YTHDC1: variants seen among roughly 807,000 people sequenced by gnomAD.
The protein encoded by YTHDC1 is YTH N6-methyladenosine RNA binding protein C1, also known as YTH domain-containing protein 1.
In YTHDC1, 12 loss-of-function variants were observed where a neutral mutation model predicts 107.0. That is an observed-to-expected ratio of 0.11 (90% CI 0.07 to 0.18). The LOEUF (loss-of-function observed/expected upper bound fraction) is 0.18, where lower values mean the gene tolerates loss of function less well. YTHDC1 is among the 10% of genes least tolerant of loss of function. The pLI, the probability that YTHDC1 is intolerant of heterozygous loss-of-function variation, is 1.00. For missense variants in YTHDC1, 635 were observed against 898.8 expected (o/e 0.71, Z 3.75); for synonymous variants, 280 against 289.5 (o/e 0.97, Z 0.33).
chr4:68,337,346 A>G lies in YTHDC1; in HGVS notation c.564T>C (p.Ser188=). The G allele has an allele frequency of 6.2e-7, 1 of 1,613,942 alleles. No homozygotes were observed. The change falls in exon 4 of 17, where the codon AGT becomes AGC. Residue 188 remains serine (S), a synonymous_variant. Transcript: ENST00000344157. ...EYGSDHETGS[S]GSSDEQGNNT... ...TGTTCCCTTGCTCATCAGAAGAACCACTGCTGCCAGTCTCATGGTCAGAGC... is the reference window on the plus strand; with the variant it reads ...TGTTCCCTTGCTCATCAGAAGAACCGCTGCTGCCAGTCTCATGGTCAGAGC...
At position 68,349,805 on chromosome 4, in the gene YTHDC1, C is replaced by A. The variant is rs749237203; in HGVS notation, c.-52G>T. 7 of 1,610,420 alleles carry A rather than the reference C, an allele frequency of 4.3e-6. No individual in the cohort carries two copies. The highest frequency in any genetic ancestry group is 1.7e-5 in the Admixed American group (1 of 59,850). ...CACCGCCGCCGCCGCTTAGACGCGA[C>A]TCGCGCGGGCGCCGCAGCCGCGGCA... On this transcript the variant is annotated 5_prime_UTR_variant, in exon 1 of 17. Transcript: ENST00000344157.
rs868559889 is a variant in YTHDC1 at position 68,316,411 on chromosome 4, G to A, written c.1862C>T (p.Pro621Leu). 6.2e-7 allele frequency: 1 copy of A among 1,614,028 alleles called. No homozygotes were observed. Among genetic ancestry groups the A allele is most frequent in the Non-Finnish European group, 8.5e-7 (1 of 1,179,976 alleles). Residue 621 changes from proline (P) to leucine (L), a missense_variant, in exon 16 of 17, where the codon CCT (proline) becomes CTT (leucine). Physicochemically the swap from Pro to Leu is moderately conservative, Grantham distance 98. This residue lies in a region of YTHDC1 where 256 missense variants were observed against 372.9 expected (regional missense o/e 0.69). Coordinates refer to ENST00000344157, the MANE Select transcript of YTHDC1 (RefSeq NM_001031732.4). ...YPGMEQPPHH[P>L]YYQHHAPPPQ... ...AGGTGGAGCATGGTGCTGATAGTAA[G>A]GATGGTGTGGAGGTTGTTCCATTCC...
chr4:68,340,654 C>A (rs1222835417), intron 1 of YTHDC1, among the ~76,000 whole-genome samples: 3 of 151,986 alleles, frequency 2.0e-5, no homozygotes, highest in Admixed American at 6.6e-5. Flanking sequence ...GTAGATCCAA[C>A]AGGTCTTCAC....
chr4:68,317,026 T>C (rs532916704), intron 15 of YTHDC1, among the ~76,000 whole-genome samples: 9 of 152,038 alleles, frequency 5.9e-5, no homozygotes, highest in Non-Finnish European at 8.8e-5. Context: ...AAGCCAGGAG[T>C]TGGAGACCAG....
At chr4:68,325,160 A>C (rs908504191) in intron 9 of YTHDC1, among the ~76,000 whole-genome samples, 7 of 152,240 alleles carry the variant, frequency 4.6e-5, no homozygotes, top group African/African-American at 1.4e-4. Context: ...ACATACAAAG[A>C]CGAGAAAGAT....
At chr4:68,330,903 A>G (rs768551603) in intron 7 of YTHDC1, among the ~76,000 whole-genome samples, 10 of 152,160 alleles carry the variant, frequency 6.6e-5, no homozygotes, top group Non-Finnish European at 1.5e-4. Flanking sequence ...AGATAAAAAG[A>G]AATGGAATAA....
At chr4:68,330,958 A>G (rs941933221) in intron 7 of YTHDC1, among the ~76,000 whole-genome samples, 11 of 152,104 alleles carry the variant, frequency 7.2e-5, no homozygotes, top group Non-Finnish European at 1.0e-4. Context: ...GCTCATACAA[A>G]TGACATCTCA....
intron 6 of YTHDC1, 58 bp from the exon 7 acceptor site, chr4:68,332,255 C>G: frequency 1.8e-6 from 2 of 1,142,724 alleles, no homozygotes. Context: ...ACAAAGGGGT[C>G]AAAACTGTAC....
chr4:68,332,683 G>T, intron 6 of YTHDC1, 111 bp downstream of exon 6: 1 of 918,434 alleles, frequency 1.1e-6, no homozygotes, highest in Non-Finnish European at 1.6e-6. Flanking sequence ...TTTGCTTCAT[G>T]TAATATATCG....
chr4:68,314,259 C>T lies in YTHDC1; in HGVS notation c.2024G>A (p.Arg675Lys). Residue 675 changes from arginine (R) to lysine (K), a missense_variant, in exon 17 of 17, where the codon AGA becomes AAA. Physicochemically the swap from Arg to Lys is conservative, Grantham distance 26. This residue lies in a region of YTHDC1 where 256 missense variants were observed against 372.9 expected (regional missense o/e 0.69). Coordinates refer to ENST00000344157, the MANE Select transcript of YTHDC1 (RefSeq NM_001031732.4). Reference protein sequence around the residue: ...RRTQAVVSGRRSRPRERDRER... With the variant: ...RRTQAVVSGRKSRPRERDRER... ...CCGGTCTCTTTCACGGGGTCTACTT[C>T]TCCGGCCACTGACAACAGCTTGTGT... is the stretch of plus-strand genomic sequence containing the variant. The T allele has an allele frequency of 6.2e-7, 1 of 1,614,060 alleles. No individual in the cohort carries two copies. Among genetic ancestry groups the T allele is most frequent in the Non-Finnish European group, 8.5e-7 (1 of 1,180,016 alleles).
chr4:68,330,678 T>TA lies in YTHDC1; in HGVS notation c.1123-369dup, dbSNP rs1447674785. Among the ~76,000 whole-genome samples, 3 of 152,172 alleles carry TA rather than the reference T, an allele frequency of 2.0e-5. No homozygotes were observed. The South Asian group carries it at 6.2e-4, about 31-fold the overall frequency. ...TGAAGGTGAATCGCCACTTAGAAGTTAGTCTTCTTGCAAAACCGTACCTGA... is the reference window on the plus strand; with the variant it reads ...TGAAGGTGAATCGCCACTTAGAAGTTAAGTCTTCTTGCAAAACCGTACCTGA... On this transcript the variant is annotated intron_variant, in intron 7 of 16. Coordinates refer to ENST00000344157, the MANE Select transcript of YTHDC1 (RefSeq NM_001031732.4).
chr4:68,346,051 ATG>A (rs901034415), intron 1 of YTHDC1, among the ~76,000 whole-genome samples: 50 of 145,282 alleles, frequency 3.4e-4, no homozygotes, highest in African/African-American at 1.3e-3. Flanking sequence ...GACTGTGTGC[ATG>A]TGTGTGCACA....
chr4:68,337,951 T>C (rs1164362944), intron 2 of YTHDC1, 51 bp from the exon 3 acceptor site: 2 of 1,554,980 alleles, frequency 1.3e-6, no homozygotes, highest in Non-Finnish European at 1.7e-6. Context: ...TAGTATTCCA[T>C]TTATTTCACC....
At chr4:68,330,664 C>T (rs1161219600) in intron 7 of YTHDC1, among the ~76,000 whole-genome samples, 1 of 152,078 alleles carries the variant, frequency 6.6e-6, no homozygotes. Flanking sequence ...GAAGGTGAAT[C>T]GCCACTTAGA....
At chr4:68,344,645 G>A (rs1725220185) in intron 1 of YTHDC1, among the ~76,000 whole-genome samples, 1 of 152,202 alleles carries the variant, frequency 6.6e-6, no homozygotes, top group Admixed American at 6.5e-5. Context: ...AATCACGTGT[G>A]AATGTTTTGT....
intron 4 of YTHDC1, among the ~76,000 whole-genome samples, chr4:68,334,913 G>A (rs1026045278): frequency 3.3e-5 from 5 of 151,926 alleles, no homozygotes; most frequent in African/African-American, 9.7e-5. Flanking sequence ...GATAATGCAG[G>A]GAAAATAACA....
At position 68,349,792 on chromosome 4, in the gene YTHDC1, C is replaced by A. The variant is rs1725898271; in HGVS notation, c.-39G>T. 1 of 1,611,972 alleles carries A rather than the reference C, an allele frequency of 6.2e-7. No individual in the cohort carries two copies. Among genetic ancestry groups the A allele is most frequent in the Admixed American group, 1.7e-5 (1 of 59,920 alleles). ...TTTCCGCCGCTGCCACCGCCGCCGC[C>A]GCTTAGACGCGACTCGCGCGGGCGC... On this transcript the variant is annotated 5_prime_UTR_variant, in exon 1 of 17. Transcript: ENST00000344157.
At chr4:68,331,979 G>T in intron 7 of YTHDC1, 124 bp downstream of exon 7, 1 of 511,948 alleles carries the variant, frequency 2.0e-6, no homozygotes, top group Non-Finnish European at 3.3e-6. Flanking sequence ...GTGGCCATTG[G>T]AATGTAGATC....
At chr4:68,327,915 T>G (rs957226252) in intron 9 of YTHDC1, among the ~76,000 whole-genome samples, 1 of 152,192 alleles carries the variant, frequency 6.6e-6, no homozygotes, top group African/African-American at 2.4e-5. Context: ...AGTTTTATTA[T>G]GTAAAAATAC....
Sources: allele counts gnomAD v4.1 joint callset (sites outside exome capture counted in the v4.1 genomes callset), GRCh38; gene constraint gnomAD v4.1.1; regional missense constraint gnomAD v4.1.1; transcripts MANE v1.5; gene names NCBI Gene and HGNC (gene_info 2026-07-23, HGNC 2026-07-21).